FAP: variants seen among roughly 807,000 people sequenced by gnomAD.
The protein encoded by FAP is prolyl endopeptidase FAP.
Under a neutral mutation model 126.5 loss-of-function variants are expected in FAP, and 110 were observed. That is an observed-to-expected ratio of 0.87 (90% confidence interval 0.74 to 1.02). The LOEUF (loss-of-function observed/expected upper bound fraction) is 1.02, where lower values mean the gene tolerates loss of function less well. Ranked by LOEUF, FAP falls within the 50% of genes least tolerant of loss-of-function variation. FAP has a pLI of 0.00. For missense variants in FAP, 919 were observed against 909.2 expected (o/e 1.01, Z -0.14); for synonymous variants, 334 against 297.3 (o/e 1.12, Z -1.27).
At chr2:162,200,033 G>C (rs895982621) in intron 15 of FAP, among the ~76,000 whole-genome samples, 4 of 152,130 alleles carry the variant, frequency 2.6e-5, no homozygotes, top group African/African-American at 9.7e-5. Flanking sequence ...AAGGTGCCTG[G>C]CATATAATAG....
chr2:162,227,976 G>C (rs1007548303), intron 2 of FAP, among the ~76,000 whole-genome samples: 2 of 151,978 alleles, frequency 1.3e-5, no homozygotes, highest in Non-Finnish European at 2.9e-5. Context: ...CACTCCTCTT[G>C]GTTTGTAATC....
intron 12 of FAP, among the ~76,000 whole-genome samples, chr2:162,205,149 C>A (rs1443799725): frequency 6.6e-6 from 1 of 152,176 alleles, no homozygotes; most frequent in Non-Finnish European, 1.5e-5. Context: ...GTTCTGAGTG[C>A]TGCCTGATTT....
intron 15 of FAP, among the ~76,000 whole-genome samples, chr2:162,199,436 C>G (rs959957072): frequency 2.6e-5 from 4 of 152,162 alleles, no homozygotes; most frequent in Admixed American, 1.3e-4. Context: ...CTGGGAATGC[C>G]CCCTCCACAC....
Position 162,189,774 on chromosome 2 carries a change from C to A in FAP, c.1451-20G>T. Reference sequence around the variant, plus strand: ...TAATTTCTGAAAAATGTTAAATGTTCATTTTTAATCAATAGTATTTCCATA... The same window carrying A: ...TAATTTCTGAAAAATGTTAAATGTTAATTTTTAATCAATAGTATTTCCATA... On this transcript the variant is annotated intron_variant, in intron 17 of 25. Coordinates refer to ENST00000188790, the MANE Select transcript of FAP (RefSeq NM_004460.5). The A allele has an allele frequency of 1.5e-6, 2 of 1,347,830 alleles. No homozygotes were observed. Among genetic ancestry groups the A allele is most frequent in the South Asian group, 2.6e-5 (2 of 78,360 alleles). The allele number at this position is 1,347,830 out of a possible 1,614,324, so 83.5% of individuals were successfully genotyped here. A position where few individuals can be genotyped will look rare whatever the true frequency, so the allele number is the denominator to read the frequency against.
chr2:162,191,624 G>T lies in FAP; in HGVS notation c.1451-1870C>A, dbSNP rs115015146. ...TGTGATGAAATTGAGTTGTAACAATGATGGATCTTATACTTGATTTCTGTT... is the reference window on the plus strand; with the variant it reads ...TGTGATGAAATTGAGTTGTAACAATTATGGATCTTATACTTGATTTCTGTT... On this transcript the variant is annotated intron_variant, in intron 17 of 25. Coordinates refer to ENST00000188790, the MANE Select transcript of FAP (RefSeq NM_004460.5). 4.8e-3 allele frequency among the ~76,000 whole-genome samples: 730 copies of T among 152,226 alleles called. 9 individuals are homozygous for T. Among genetic ancestry groups the T allele is most frequent in the African/African-American group, 0.017 (689 of 41,542 alleles).
At chr2:162,221,177 G>A (rs1407344060) in intron 6 of FAP, among the ~76,000 whole-genome samples, 1 of 152,088 alleles carries the variant, frequency 6.6e-6, no homozygotes, top group Non-Finnish European at 1.5e-5. Flanking sequence ...GCCGCCAGAG[G>A]GCAGTACATG....
rs1689609085 is a variant in FAP at position 162,225,542 on chromosome 2, T to C, written c.226A>G (p.Ile76Val). The C allele has an allele frequency of 6.3e-7, 1 of 1,599,054 alleles. No homozygotes were observed. Among genetic ancestry groups the C allele is most frequent in the African/African-American group, 1.3e-5 (1 of 74,298 alleles). Residue 76 changes from isoleucine to valine, a missense_variant, in exon 4 of 26, where the codon ATA becomes GTA. By Grantham distance (29) the Ile-to-Val change is conservative (BLOSUM62 3). Transcript: ENST00000188790. Reference protein sequence around the residue: ...EYLHQSADNNIVLYNIETGQS... With the variant: ...EYLHQSADNNVVLYNIETGQS... ...CCTGTTTCAATATTATAAAGTACTATATTGTTATCTGCAGATTGATGAAGA... is the reference window on the plus strand; with the variant it reads ...CCTGTTTCAATATTATAAAGTACTACATTGTTATCTGCAGATTGATGAAGA...
chr2:162,233,076 ACCT>A (rs1231179326), intron 2 of FAP, among the ~76,000 whole-genome samples: 5 of 151,426 alleles, frequency 3.3e-5, no homozygotes, highest in Non-Finnish European at 5.9e-5. Context: ...CCACTACCAC[ACCT>A]GACTTTCACT....
At chr2:162,199,507 C>T (rs1688407102) in intron 15 of FAP, among the ~76,000 whole-genome samples, 1 of 152,176 alleles carries the variant, frequency 6.6e-6, no homozygotes, top group Non-Finnish European at 1.5e-5. Context: ...GCAGAGTCAT[C>T]TGTGTGGTTC....
chr2:162,219,989 T>C, intron 6 of FAP, 64 bp from the exon 7 acceptor site: 1 of 1,080,800 alleles, frequency 9.3e-7, no homozygotes, highest in Non-Finnish European at 1.4e-6. Context: ...AATAATAATC[T>C]GTATGAACAG....
intron 20 of FAP, among the ~76,000 whole-genome samples, chr2:162,186,384 C>T (rs754362296): frequency 5.9e-5 from 9 of 151,932 alleles, no homozygotes; most frequent in East Asian, 3.9e-4. Flanking sequence ...GGTATTACTG[C>T]GAAAATCAGT....
chr2:162,227,589 G>C (rs1208015915), intron 2 of FAP, among the ~76,000 whole-genome samples: 3 of 152,042 alleles, frequency 2.0e-5, no homozygotes, highest in African/African-American at 7.2e-5. Context: ...TCTGGTATTT[G>C]CCCAGGTGAG....
At chr2:162,187,498 A>C (rs919831711) in intron 20 of FAP, among the ~76,000 whole-genome samples, 5 of 152,122 alleles carry the variant, frequency 3.3e-5, no homozygotes, top group Non-Finnish European at 7.4e-5. Flanking sequence ...GTTTCTAAAA[A>C]AGCCACAATT....
At chr2:162,199,899 G>A (rs987553246) in intron 15 of FAP, among the ~76,000 whole-genome samples, 9 of 152,186 alleles carry the variant, frequency 5.9e-5, no homozygotes, top group African/African-American at 2.2e-4. Context: ...GAAACATTAG[G>A]GAGGCAGTTA....
intron 14 of FAP, among the ~76,000 whole-genome samples, chr2:162,202,218 G>A (rs970401621): frequency 6.6e-6 from 1 of 152,198 alleles, no homozygotes; most frequent in African/African-American, 2.4e-5. Context: ...TTTGAAGATG[G>A]TTTATTTAAA....
intron 16 of FAP, chr2:162,195,025 T>A: frequency 2.3e-6 from 1 of 433,264 alleles, no homozygotes; most frequent in Admixed American, 3.5e-5. Context: ...ATTACACAAA[T>A]GCACCCCAGA....
intron 18 of FAP, 141 bp downstream of exon 18, chr2:162,189,515 C>A: frequency 1.7e-6 from 1 of 589,050 alleles, no homozygotes; most frequent in South Asian, 2.3e-5. Context: ...AGAATTGTTA[C>A]AGTAAGATTA....
At chr2:162,235,045 TCA>T (rs1690058417) in intron 2 of FAP, among the ~76,000 whole-genome samples, 1 of 152,004 alleles carries the variant, frequency 6.6e-6, no homozygotes, top group Non-Finnish European at 1.5e-5. Flanking sequence ...GAGGCTGCCC[TCA>T]GTTTCTCGCC....
chr2:162,170,849 G>C lies in FAP; in HGVS notation c.*130C>G, dbSNP rs1056764191. The C allele has an allele frequency of 1.6e-6, 1 of 638,846 alleles. No homozygotes were observed. 39.6% of individuals were successfully genotyped at this position (638,846 alleles called of 1,614,324 possible). On this transcript the variant is annotated 3_prime_UTR_variant, in exon 26 of 26. Coordinates refer to ENST00000188790, the MANE Select transcript of FAP (RefSeq NM_004460.5). Reference sequence around the variant, plus strand: ...CTGAGTCCTCATCTTTTTTTTAACAGCCTTTAGAACAACATTAATTTGTTT... The same window carrying C: ...CTGAGTCCTCATCTTTTTTTTAACACCCTTTAGAACAACATTAATTTGTTT...
Sources: gnomAD v4.1 joint callset for allele counts (sites outside exome capture counted in the v4.1 genomes callset) on GRCh38, gnomAD v4.1.1 for gene constraint, MANE v1.5 for transcripts, NCBI Gene and HGNC (gene_info 2026-07-23, HGNC 2026-07-21) for gene names.